Variants in PTPN5 observed in about 807,000 individuals in gnomAD.
PTPN5 encodes protein tyrosine phosphatase non-receptor type 5.
A neutral mutation model predicts 73.9 loss-of-function variants in PTPN5; 29 were observed. The observed-to-expected ratio is 0.39, with a 90% CI of 0.29 to 0.54. The LOEUF (loss-of-function observed/expected upper bound fraction) is 0.54, where lower values mean the gene tolerates loss of function less well. Among genes scored for constraint, PTPN5 ranks in the 20% least tolerant of loss-of-function variants. The pLI is 0.65. For synonymous variants in PTPN5, 267 were observed against 304.7 expected (o/e 0.88, Z 1.29); for missense variants, 652 against 751.4 (o/e 0.87, Z 1.55).
intron 3 of PTPN5, 38 bp downstream of exon 3, chr11:18,765,769 C>T (rs1261127339): frequency 1.4e-6 from 2 of 1,416,304 alleles, no homozygotes; most frequent in East Asian, 2.5e-5. Flanking sequence ...TCTCTCCATT[C>T]TGAGGTCTGG....
intron 12 of PTPN5, chr11:18,730,202 G>A: frequency 2.4e-6 from 1 of 416,658 alleles, no homozygotes; most frequent in Non-Finnish European, 4.2e-6. Flanking sequence ...GCCTCTTGCT[G>A]TGCCTCGCCT....
intron 3 of PTPN5, among the ~76,000 whole-genome samples, chr11:18,748,585 T>C (rs1849742494): frequency 6.6e-6 from 1 of 152,128 alleles, no homozygotes; most frequent in Admixed American, 6.5e-5. Context: ...CTCTATATTC[T>C]GCACATAATT....
chr11:18,755,955 G>A (rs896707162), intron 3 of PTPN5, among the ~76,000 whole-genome samples: 24 of 141,634 alleles, frequency 1.7e-4, no homozygotes, highest in Non-Finnish European at 3.2e-4. Flanking sequence ...AGTGAGCCGA[G>A]ATCGTGCCAC....
intron 3 of PTPN5, among the ~76,000 whole-genome samples, chr11:18,756,902 T>G (rs1850168930): frequency 7.1e-6 from 1 of 140,204 alleles, no homozygotes; most frequent in Non-Finnish European, 1.5e-5. Flanking sequence ...CCAGCCTGAG[T>G]GACAGAGCAA....
rs1029313066 is a variant in PTPN5 at position 18,743,111 on chromosome 11, T to G, written c.400-36A>C. ...TCAGATAAACAGGTCAGGGTGGTGG[T>G]GGGGGCAGAGTTCTCAGCTCTTGCA... On this transcript the variant is annotated intron_variant, in intron 5 of 14. Coordinates refer to ENST00000358540, the MANE Select transcript of PTPN5 (RefSeq NM_006906.2). 10 of 1,448,848 alleles carry G rather than the reference T, an allele frequency of 6.9e-6. No homozygotes were observed. In the African/African-American group the frequency reaches 9.9e-5, roughly 14 times the overall value. 89.7% of individuals were successfully genotyped at this position (1,448,848 alleles called of 1,614,324 possible).
Position 18,743,364 on chromosome 11 carries a change from G to A in PTPN5, c.357C>T (p.Leu119=), listed in dbSNP as rs746692440. ...GHIWSQNATN[L]VSSLLTLLKQ... is the part of the protein sequence containing the mutation. ...TCAGGAGCGTCAGCAAAGAGGAGAC[G>A]AGGTTTGTGGCGTTCTGTGACCAGA... Residue 119 remains leucine (L), a synonymous_variant, in exon 5 of 15, where the codon CTC becomes CTT. Transcript: ENST00000358540. The A allele has an allele frequency of 4.3e-6, 7 of 1,614,034 alleles. No homozygotes were observed. Among genetic ancestry groups the A allele is most frequent in the African/African-American group, 1.3e-5 (1 of 74,912 alleles).
At chr11:18,787,565 T>C (rs548399328) in intron 1 of PTPN5, among the ~76,000 whole-genome samples, 89 of 152,204 alleles carry the variant, frequency 5.8e-4, no homozygotes, top group Non-Finnish European at 1.1e-3. Context: ...TTCAGGTTCC[T>C]TGAAGACACC....
intron 1 of PTPN5, among the ~76,000 whole-genome samples, chr11:18,778,374 G>C (rs558755924): frequency 1.3e-5 from 2 of 152,248 alleles, no homozygotes; most frequent in African/African-American, 4.8e-5. Flanking sequence ...GATGGGCAGA[G>C]TCTCTGCCTT....
Position 18,733,472 on chromosome 11 carries a change from T to C in PTPN5, c.1080+84A>G. 1 of 1,611,644 alleles carries C rather than the reference T, an allele frequency of 6.2e-7. No homozygotes were observed. Among genetic ancestry groups the C allele is most frequent in the Non-Finnish European group, 8.5e-7 (1 of 1,178,254 alleles). On this transcript the variant is annotated intron_variant, in intron 10 of 14. Coordinates refer to ENST00000358540, the MANE Select transcript of PTPN5 (RefSeq NM_006906.2). The surrounding 1 kb of genome is among the most constrained non-coding windows in gnomAD (Gnocchi z 4.3). ...TCACAGGAGCTGGCAGGAGCCAGAC[T>C]GGTGTAGGGACAAGGCTGGAGGATG... is the stretch of plus-strand genomic sequence containing the variant.
chr11:18,770,158 T>A (rs1320410722), intron 2 of PTPN5, among the ~76,000 whole-genome samples: 1 of 152,236 alleles, frequency 6.6e-6, no homozygotes, highest in East Asian at 1.9e-4. Context: ...AGCATAAAAT[T>A]CAACATTTTG....
chr11:18,756,427 G>C (rs1253344739), intron 3 of PTPN5, among the ~76,000 whole-genome samples: 1 of 151,396 alleles, frequency 6.6e-6, no homozygotes, highest in African/African-American at 2.4e-5. Flanking sequence ...CTCCTGAGTA[G>C]CTGGGATTAC....
chr11:18,743,139 G>T, intron 5 of PTPN5, 64 bp from the exon 6 acceptor site: 3 of 1,307,730 alleles, frequency 2.3e-6, no homozygotes, highest in Non-Finnish European at 2.2e-6. Context: ...CTCTTGCAAT[G>T]ATGACAAAAC....
At chr11:18,731,666 G>A (rs1848883012) in intron 12 of PTPN5, among the ~76,000 whole-genome samples, 1 of 152,302 alleles carries the variant, frequency 6.6e-6, no homozygotes, top group South Asian at 2.1e-4. Context: ...CCTCCAACAA[G>A]ACCTGGATCT....
chr11:18,753,578 GT>G (rs1461758061), intron 3 of PTPN5, among the ~76,000 whole-genome samples: 6 of 151,306 alleles, frequency 4.0e-5, no homozygotes, highest in African/African-American at 1.5e-4. Context: ...CCTTCTCCTA[GT>G]TTTCTCTGCT....
At chr11:18,750,501 A>G (rs755802532) in intron 3 of PTPN5, among the ~76,000 whole-genome samples, 4 of 152,172 alleles carry the variant, frequency 2.6e-5, no homozygotes, top group Non-Finnish European at 4.4e-5. Flanking sequence ...GCTGGGCTCC[A>G]TGGCCTGTCA....
intron 3 of PTPN5, among the ~76,000 whole-genome samples, chr11:18,746,525 A>T (rs1287756503): frequency 2.6e-5 from 4 of 152,104 alleles, no homozygotes; most frequent in African/African-American, 9.7e-5. Context: ...TACAGACGAA[A>T]CACCTAGCAT....
chr11:18,752,362 G>C (rs1849928763), intron 3 of PTPN5, among the ~76,000 whole-genome samples: 1 of 152,190 alleles, frequency 6.6e-6, no homozygotes, highest in Non-Finnish European at 1.5e-5. Flanking sequence ...GAGATGATGG[G>C]GAAAGGGGAG....
intron 1 of PTPN5, among the ~76,000 whole-genome samples, chr11:18,775,143 G>A (rs184222812): frequency 3.5e-4 from 54 of 152,350 alleles, no homozygotes; most frequent in Admixed American, 2.2e-3. Flanking sequence ...ATTCAGAGAA[G>A]TAAAGTGACC....
chr11:18,750,125 C>T (rs1054578529), intron 3 of PTPN5, among the ~76,000 whole-genome samples: 4 of 152,228 alleles, frequency 2.6e-5, no homozygotes, highest in African/African-American at 7.2e-5. Flanking sequence ...CCCAGGTCCA[C>T]AGCCAGCCAA....
Sources: allele counts gnomAD v4.1 joint callset (sites outside exome capture counted in the v4.1 genomes callset), GRCh38; gene constraint gnomAD v4.1.1; non-coding constraint Gnocchi (gnomAD v3.1); transcripts MANE v1.5; gene names NCBI Gene and HGNC (gene_info 2026-07-23, HGNC 2026-07-21).